Variants in CENPF observed in about 807,000 individuals in gnomAD.
CENPF encodes the protein centromere protein F.
Under a neutral mutation model 307.3 loss-of-function variants are expected in CENPF, and 214 were observed. The observed-to-expected ratio is 0.70, with a 90% CI of 0.62 to 0.78. CENPF has a LOEUF of 0.78. CENPF is among the 30% of genes least tolerant of loss of function. The pLI, the probability that CENPF is intolerant of heterozygous loss-of-function variation, is 0.00. For missense variants in CENPF, 3,401 were observed against 3,483.9 expected (o/e 0.98, Z 0.60); for synonymous variants, 1,259 against 1,270.6 (o/e 0.99, Z 0.19).
At chr1:214,619,326 T>G (rs1338374962) in intron 5 of CENPF, 106 bp downstream of exon 5, 25 of 602,092 alleles carry the variant, frequency 4.2e-5, no homozygotes, top group South Asian at 1.9e-4. Context: ...GCTGGCCTTT[T>G]TGTGTGTGTG....
At chr1:214,605,256 A>T (rs946517280) in intron 1 of CENPF, among the ~76,000 whole-genome samples, 1 of 152,194 alleles carries the variant, frequency 6.6e-6, no homozygotes, top group Admixed American at 6.5e-5. Context: ...AAGTGTTTTT[A>T]AAAAGTATGT....
chr1:214,641,016 C>T lies in CENPF; in HGVS notation c.2678C>T (p.Ser893Phe), dbSNP rs778772735. The T allele has an allele frequency of 6.4e-7, 1 of 1,573,114 alleles. No homozygotes were observed. Among genetic ancestry groups the T allele is most frequent in the South Asian group, 1.2e-5 (1 of 82,574 alleles). ...ATTAGTAAGTTACAGGAAGACACTT[C>T]TGCTCACCAGAATGTTGTTGCTGAA... The part of the protein sequence containing the change: ...QRISKLQEDT[S>F]AHQNVVAETL... The change falls in exon 12 of 20, where the codon TCT (serine) becomes TTT (phenylalanine). Residue 893 changes from serine to phenylalanine, a missense_variant. Ser to Phe is a radical substitution (Grantham distance 155, BLOSUM62 -2). Transcript: ENST00000366955.
At chr1:214,619,094 C>T (rs756648156) in intron 4 of CENPF, 35 bp from the exon 5 acceptor site, 2 of 1,068,174 alleles carry the variant, frequency 1.9e-6, no homozygotes, top group African/African-American at 3.2e-5. Context: ...GAATCAATGA[C>T]TGAAAGAAAA....
intron 7 of CENPF, among the ~76,000 whole-genome samples, chr1:214,624,725 TTC>T (rs1657606402): frequency 6.6e-6 from 1 of 152,216 alleles, no homozygotes; most frequent in Non-Finnish European, 1.5e-5. Context: ...ATTTTTTTTT[TTC>T]TCTGTTTTCA....
chr1:214,649,313 A>G (rs534139123), intron 14 of CENPF, among the ~76,000 whole-genome samples: 52 of 152,312 alleles, frequency 3.4e-4, no homozygotes, highest in Non-Finnish European at 6.2e-4. Flanking sequence ...TGCCATTTCC[A>G]TAGTAGATAT....
chr1:214,637,821 T>G (rs1658002935), intron 10 of CENPF, 45 bp from the exon 11 acceptor site: 3 of 1,581,598 alleles, frequency 1.9e-6, no homozygotes, highest in Non-Finnish European at 2.6e-6. Flanking sequence ...CATAACTTAC[T>G]TGAGCATTCG....
intron 14 of CENPF, among the ~76,000 whole-genome samples, 170 bp downstream of exon 14, chr1:214,648,997 G>GTAAT (rs1658388648): frequency 6.6e-6 from 1 of 152,120 alleles, no homozygotes. Flanking sequence ...CTACCATCCA[G>GTAAT]CACTATCAGG....
At position 214,620,692 on chromosome 1, in the gene CENPF, A is replaced by C. The variant is rs1657478873; in HGVS notation, c.611A>C (p.His204Pro). ...SQTLPQATMN[H>P]RDIARHQASS... is the part of the protein sequence containing the mutation. ...ACTCTTCCACAAGCCACCATGAATC[A>C]CCGCGACATTGCCCGGCATCAGGCT... The change falls in exon 6 of 20, where the codon CAC (histidine) becomes CCC (proline). Residue 204 changes from histidine (H) to proline (P), a missense_variant. Coordinates refer to ENST00000366955, the MANE Select transcript of CENPF (RefSeq NM_016343.4). 1 of 1,613,896 alleles carries C rather than the reference A, an allele frequency of 6.2e-7. No homozygotes were observed. Among genetic ancestry groups the C allele is most frequent in the African/African-American group, 1.3e-5 (1 of 74,916 alleles).
intron 9 of CENPF, among the ~76,000 whole-genome samples, chr1:214,631,830 A>G (rs1039783989): frequency 4.6e-5 from 7 of 152,152 alleles, no homozygotes. Flanking sequence ...TTACTGCCAA[A>G]TTGCCCTCCA....
Position 214,614,919 on chromosome 1 carries a change from CAGA to C in CENPF, c.254_256del (p.Lys85del), listed in dbSNP as rs1178921496. ...ATGTGAAAGTCTGGAGAAAACTAAG[CAGA>C]AGATTTCTCATGAACTTCAAGTCAA... On this transcript the variant is annotated inframe_deletion, in exon 3 of 20. Transcript: ENST00000366955. 6 of 1,610,242 alleles carry C rather than the reference CAGA, an allele frequency of 3.7e-6. No homozygotes were observed. Among genetic ancestry groups the C allele is most frequent in the Non-Finnish European group, 2.5e-6 (3 of 1,177,738 alleles).
intron 10 of CENPF, 34 bp downstream of exon 10, chr1:214,632,636 A>C: frequency 6.2e-7 from 1 of 1,608,924 alleles, no homozygotes; most frequent in Non-Finnish European, 8.5e-7. Flanking sequence ...TTCTCCACTT[A>C]TGTAAGAACC....
At chr1:214,652,068 ATTTT>A (rs35011701) in intron 15 of CENPF, among the ~76,000 whole-genome samples, 182 bp downstream of exon 15, 4 of 127,090 alleles carry the variant, frequency 3.1e-5, no homozygotes, top group Admixed American at 7.8e-5. Flanking sequence ...TTATCAGTTG[ATTTT>A]TTTTTTTTTT....
chr1:214,607,538 G>A (rs993120788), intron 1 of CENPF, among the ~76,000 whole-genome samples: 2 of 152,172 alleles, frequency 1.3e-5, no homozygotes, highest in African/African-American at 2.4e-5. Context: ...CCAAGGCAAC[G>A]AGGACCCCAC....
At position 214,614,974 on chromosome 1, in the gene CENPF, G is replaced by T; in HGVS notation, c.305G>T (p.Gly102Val). 1 of 1,608,696 alleles carries T rather than the reference G, an allele frequency of 6.2e-7. No homozygotes were observed. Residue 102 changes from glycine to valine, a missense_variant, in exon 3 of 20, where the codon GGA becomes GTA. By Grantham distance (109) the Gly-to-Val change is moderately radical. Transcript: ENST00000366955. ...VKESQVNFQE[G>V]QLNSGKKQIE... ...GAGTCACAAGTGAATTTCCAGGAAG[G>T]ACAACTGAATTCAGGCAAAAAACAA...
Position 214,645,235 on chromosome 1 carries a change from G to A in CENPF, c.5665G>A (p.Val1889Met). ...REDIGDNVAK[V>M]NDSWKERFLD... The stretch of plus-strand genomic sequence containing the variant: ...AGATATTGGAGATAATGTGGCCAAG[G>A]TGAATGACAGCTGGAAGGAGAGATT... Residue 1889 changes from valine to methionine, a missense_variant, in exon 13 of 20, where the codon GTG becomes ATG. Physicochemically the swap from Val to Met is conservative, Grantham distance 21 (BLOSUM62 1). Coordinates refer to ENST00000366955, the MANE Select transcript of CENPF (RefSeq NM_016343.4). 6.2e-7 allele frequency: 1 copy of A among 1,614,086 alleles called. No homozygotes were observed. Among genetic ancestry groups the A allele is most frequent in the Non-Finnish European group, 8.5e-7 (1 of 1,180,010 alleles).
intron 5 of CENPF, among the ~76,000 whole-genome samples, chr1:214,619,912 T>G (rs1043668229): frequency 6.6e-6 from 1 of 152,234 alleles, no homozygotes; most frequent in Non-Finnish European, 1.5e-5. Context: ...ATTCTCTAGT[T>G]TGTCCTAGAA....
At chr1:214,611,688 C>T (rs1001563766) in intron 1 of CENPF, among the ~76,000 whole-genome samples, 1 of 152,190 alleles carries the variant, frequency 6.6e-6, no homozygotes, top group Non-Finnish European at 1.5e-5. Context: ...TTGTACAGAT[C>T]TTTCACCTCC....
chr1:214,611,110 A>T (rs1657188430), intron 1 of CENPF, among the ~76,000 whole-genome samples: 1 of 152,042 alleles, frequency 6.6e-6, no homozygotes, highest in South Asian at 2.1e-4. Context: ...AAGTAGGGTA[A>T]CATGTTGCTG....
At position 214,647,069 on chromosome 1, in the gene CENPF, A is replaced by C. The variant is rs1272042178; in HGVS notation, c.7499A>C (p.Gln2500Pro). 1.9e-6 allele frequency: 3 copies of C among 1,614,092 alleles called. No homozygotes were observed. The highest frequency in any genetic ancestry group is 2.5e-6 in the Non-Finnish European group (3 of 1,180,010). Residue 2500 changes from glutamine to proline, a missense_variant, in exon 13 of 20, where the codon CAA (glutamine) becomes CCA (proline). By Grantham distance (76) the Gln-to-Pro change is moderately conservative. Transcript: ENST00000366955. ...GCCAAAAATAATTATATTGTTTTGC[A>C]ATCTTCAGTGAATGGCCTCATTCAA... ...DEAKNNYIVL[Q>P]SSVNGLIQEV...
Sources: gnomAD v4.1 joint callset for allele counts (sites outside exome capture counted in the v4.1 genomes callset) on GRCh38, gnomAD v4.1.1 for gene constraint, MANE v1.5 for transcripts, NCBI Gene and HGNC (gene_info 2026-07-23, HGNC 2026-07-21) for gene names.